The following C8orf34 variants were observed in gnomAD, a reference collection of about 807,000 sequenced individuals.
C8orf34 encodes the protein uncharacterized protein C8orf34.
C8orf34 carries 65 observed loss-of-function variants against 68.3 expected under a neutral mutation model. The ratio of observed to expected loss-of-function variants is 0.95; its 90% confidence interval spans 0.78 to 1.17. The LOEUF (loss-of-function observed/expected upper bound fraction) is 1.17. Ranked by LOEUF, C8orf34 falls within the 50% of genes most tolerant of loss-of-function variation. The pLI, the probability that C8orf34 is intolerant of heterozygous loss-of-function variation, is 0.00. For missense variants in C8orf34, 664 were observed against 655.4 expected, an observed-to-expected ratio of 1.01 and a Z score of -0.14; for synonymous variants, 244 against 241.2, an observed-to-expected ratio of 1.01 and a Z score of -0.11.
At chr8:68,694,704 T>A (rs982831208) in intron 8 of C8orf34, among the ~76,000 whole-genome samples, 30 of 152,038 alleles carry the variant, frequency 2.0e-4, no homozygotes, top group African/African-American at 5.8e-4. Context: ...TTCACTTTTT[T>A]ATCCACATCT....
upstream of C8orf34, chr8:68,330,805 A>AC (rs201838391): frequency 0.026 from 12,525 of 483,114 alleles, 1,304 homozygotes; most frequent in African/African-American, 0.23. Context: ...ACACACACAC[A>AC]CACGCACGCA....
chr8:68,519,693 G>A (rs1814666468), intron 5 of C8orf34, among the ~76,000 whole-genome samples: 1 of 151,880 alleles, frequency 6.6e-6, no homozygotes, highest in Non-Finnish European at 1.5e-5. Context: ...GAAAATTAAA[G>A]CAAAACAAAT....
intron 1 of C8orf34, among the ~76,000 whole-genome samples, chr8:68,426,515 T>A (rs1810223414): frequency 1.3e-5 from 1 of 75,212 alleles, no homozygotes. Flanking sequence ...TAAGACCTTG[T>A]CTCAAAAAAA....
At chr8:68,423,543 C>T (rs1001960210) in intron 1 of C8orf34, among the ~76,000 whole-genome samples, 1 of 152,162 alleles carries the variant, frequency 6.6e-6, no homozygotes. Flanking sequence ...TTCTGAGCCA[C>T]CAAGTCTCTA....
At chr8:68,610,864 T>TTG (rs201251788) in intron 7 of C8orf34, among the ~76,000 whole-genome samples, 10,138 of 141,540 alleles carry the variant, frequency 0.072, 609 homozygotes, top group African/African-American at 0.16. Flanking sequence ...ATCTTTGGTT[T>TTG]TTTTTTTTTT....
chr8:68,790,964 G>A (rs1823978773), intron 12 of C8orf34: 1 of 624,830 alleles, frequency 1.6e-6, no homozygotes, highest in East Asian at 2.8e-5. Flanking sequence ...TCATAGTATT[G>A]TTAAACTTTG....
chr8:68,693,833 G>A (rs1213541451), intron 8 of C8orf34, among the ~76,000 whole-genome samples: 3 of 151,996 alleles, frequency 2.0e-5, no homozygotes, highest in Admixed American at 6.6e-5. Flanking sequence ...ATCCTGCAGC[G>A]TCTGGTACAA....
intron 10 of C8orf34, among the ~76,000 whole-genome samples, chr8:68,743,719 G>T (rs1260846970): frequency 6.6e-6 from 1 of 152,228 alleles, no homozygotes; most frequent in South Asian, 2.1e-4. Context: ...CCCGCACCTG[G>T]CTCGGAGGGT....
intron 1 of C8orf34, among the ~76,000 whole-genome samples, chr8:68,373,655 A>G (rs1348609959): frequency 6.6e-6 from 1 of 152,164 alleles, no homozygotes; most frequent in Admixed American, 6.5e-5. Flanking sequence ...TATTTCTTTA[A>G]GTTACTATAT....
chr8:68,534,326 C>T, intron 7 of C8orf34: 1 of 985,302 alleles, frequency 1.0e-6, no homozygotes, highest in East Asian at 1.1e-4. Context: ...GGCAGACGTG[C>T]CCTATGTGGC....
intron 4 of C8orf34, among the ~76,000 whole-genome samples, chr8:68,471,691 C>T (rs1812383593): frequency 6.6e-6 from 1 of 152,034 alleles, no homozygotes. Flanking sequence ...CACTGTGGAC[C>T]TTTCTTTCCA....
intron 7 of C8orf34, among the ~76,000 whole-genome samples, chr8:68,598,738 T>C (rs543590465): frequency 2.0e-5 from 3 of 152,238 alleles, no homozygotes; most frequent in South Asian, 2.1e-4. Context: ...CATTGAAAAT[T>C]TGTCAGTTCT....
intron 7 of C8orf34, among the ~76,000 whole-genome samples, chr8:68,592,912 C>G (rs1176478932): frequency 6.6e-6 from 1 of 151,836 alleles, no homozygotes; most frequent in African/African-American, 2.4e-5. Context: ...ATCTTTTGTT[C>G]TTTTTCTTCT....
intron 4 of C8orf34, among the ~76,000 whole-genome samples, chr8:68,487,314 G>T (rs1813119405): frequency 6.6e-6 from 1 of 152,170 alleles, no homozygotes; most frequent in Non-Finnish European, 1.5e-5. Context: ...ACAGAAAAGA[G>T]AGGACAGCAT....
intron 1 of C8orf34, among the ~76,000 whole-genome samples, chr8:68,393,504 ACT>A (rs769056177): frequency 1.3e-5 from 2 of 151,826 alleles, no homozygotes; most frequent in Admixed American, 6.6e-5. Flanking sequence ...AGATGGGGAA[ACT>A]CTGTCACCAG....
chr8:68,647,248 G>T (rs1563583743), intron 8 of C8orf34, among the ~76,000 whole-genome samples: 1 of 152,084 alleles, frequency 6.6e-6, no homozygotes, highest in Non-Finnish European at 1.5e-5. Flanking sequence ...AAAAGATATT[G>T]CCTAACACCT....
At chr8:68,497,697 A>G (rs534942821) in intron 5 of C8orf34, among the ~76,000 whole-genome samples, 41 of 152,306 alleles carry the variant, frequency 2.7e-4, no homozygotes, top group African/African-American at 9.9e-4. Context: ...GGATATCTCT[A>G]TGGATTAAGG....
rs532454544 is a variant in C8orf34, at chr8:68,755,237, A to G, written c.1405-21162A>G. Reference sequence around the variant, plus strand: ...GTTCAACCTTAGAAGAACTGTCAAGATTCAGTGATGAGGGAAAGTTGTATT... The same window carrying G: ...GTTCAACCTTAGAAGAACTGTCAAGGTTCAGTGATGAGGGAAAGTTGTATT... On this transcript the variant is annotated intron_variant, in intron 10 of 13. Transcript: ENST00000518698. 2.6e-5 allele frequency among the ~76,000 whole-genome samples: 4 copies of G among 152,302 alleles called. No homozygotes were observed. In the East Asian group the frequency reaches 7.7e-4, roughly 29 times the overall value.
chr8:68,463,295 A>G (rs1468046921), intron 3 of C8orf34, among the ~76,000 whole-genome samples: 2 of 152,066 alleles, frequency 1.3e-5, no homozygotes, highest in Non-Finnish European at 2.9e-5. Flanking sequence ...TGTGGCAATA[A>G]TCAATAGCTT....
Sources: gnomAD v4.1 joint callset for allele counts (sites outside exome capture counted in the v4.1 genomes callset) on GRCh38, gnomAD v4.1.1 for gene constraint, MANE v1.5 for transcripts, NCBI Gene and HGNC (gene_info 2026-07-23, HGNC 2026-07-21) for gene names.